The following DMBT1 variants were observed in gnomAD, a reference collection of about 807,000 sequenced individuals.
DMBT1 encodes scavenger receptor cysteine-rich domain-containing protein DMBT1.
In DMBT1, 198 loss-of-function variants were observed where a neutral mutation model predicts 252.9. That is an observed-to-expected ratio of 0.78 (90% CI 0.70 to 0.88). The LOEUF (loss-of-function observed/expected upper bound fraction) is 0.88, where lower values mean the gene tolerates loss of function less well. DMBT1 is among the 40% of genes least tolerant of loss of function. The probability of loss-of-function intolerance (pLI) is 0.00; values close to 1 mark genes in which losing one functional copy is unlikely to be tolerated. For synonymous variants in DMBT1, 990 were observed against 942.7 expected (o/e 1.05, Z -0.92); for missense variants, 2,432 against 2,404.7 (o/e 1.01, Z -0.24).
chr10:122,618,430 G>A, intron 41 of DMBT1, 90 bp downstream of exon 41: 2 of 1,592,462 alleles, frequency 1.3e-6, no homozygotes, highest in Non-Finnish European at 8.5e-7. Flanking sequence ...CTCACTCAAA[G>A]CTTTTTCTAT....
Position 122,635,972 on chromosome 10 carries a change from G to C in DMBT1, c.6549-19G>C. ...TTCTGGGAGGAAATGAAGCCAAATG[G>C]TGTGTCCTCTCTCTGCAGGCTTGAA... On this transcript the variant is annotated intron_variant, in intron 52 of 55. Transcript: ENST00000338354. 6.2e-7 allele frequency: 1 copy of C among 1,613,438 alleles called. No homozygotes were observed. Among genetic ancestry groups the C allele is most frequent in the Non-Finnish European group, 8.5e-7 (1 of 1,179,794 alleles).
chr10:122,566,291 C>T (rs4338468), intron 2 of DMBT1, among the ~76,000 whole-genome samples: 101,185 of 151,196 alleles, frequency 0.67, 34,235 homozygotes, highest in East Asian at 0.77. Context: ...AAATAAAGGT[C>T]AGTACCTTTT....
chr10:122,642,511 G>A (rs1240437624), intron 55 of DMBT1, among the ~76,000 whole-genome samples: 3 of 152,194 alleles, frequency 2.0e-5, no homozygotes, highest in Non-Finnish European at 4.4e-5. Context: ...CTGCTGAGAG[G>A]AGGTGCCCCA....
At chr10:122,574,530 T>C (rs2097694826) in intron 6 of DMBT1, among the ~76,000 whole-genome samples, 1 of 152,166 alleles carries the variant, frequency 6.6e-6, no homozygotes. Flanking sequence ...CTCTGGCCCA[T>C]GGGGTGAGGT....
chr10:122,642,987 T>C, intron 55 of DMBT1, 135 bp from the exon 56 acceptor site: 1 of 1,207,310 alleles, frequency 8.3e-7, no homozygotes, highest in East Asian at 2.4e-5. Context: ...CCACACGTTC[T>C]GACAGAAGGA....
At chr10:122,578,818 A>G in intron 9 of DMBT1, 59 bp downstream of exon 9, 1 of 1,488,972 alleles carries the variant, frequency 6.7e-7, no homozygotes, top group Non-Finnish European at 9.2e-7. Context: ...TACACTTTGG[A>G]TTTCATAGTT....
chr10:122,588,915 T>G lies in DMBT1; in HGVS notation c.1784-29T>G, dbSNP rs777593303. 66 of 1,586,658 alleles carry G rather than the reference T, an allele frequency of 4.2e-5. 6 individuals are homozygous for G. The highest frequency in any genetic ancestry group is 2.4e-4 in the South Asian group (21 of 86,830). ...AGATCCTTGACCTGCTGATAGGGAT[T>G]GATGAAGGGTTCTTGTGTTCTCCTA... On this transcript the variant is annotated intron_variant, in intron 16 of 55. Transcript: ENST00000338354.
chr10:122,580,211 G>T lies in DMBT1; in HGVS notation c.1003+310G>T, dbSNP rs563999532. ...CCCTGCTGAGTAGCACGGTGTGAGGGTATAATGGATGCAGCACAGACAGCA... is the reference window on the plus strand; with the variant it reads ...CCCTGCTGAGTAGCACGGTGTGAGGTTATAATGGATGCAGCACAGACAGCA... On this transcript the variant is annotated intron_variant, in intron 10 of 55. Coordinates refer to ENST00000338354, the MANE Select transcript of DMBT1 (RefSeq NM_001377530.1). Among the ~76,000 whole-genome samples the T allele has an allele frequency of 7.9e-5, 12 of 152,322 alleles. No individual in the cohort carries two copies. In the East Asian group the frequency reaches 2.1e-3, roughly 27 times the overall value.
At chr10:122,576,296 C>A in intron 6 of DMBT1, 103 bp from the exon 7 acceptor site, 1 of 1,480,524 alleles carries the variant, frequency 6.8e-7, no homozygotes, top group South Asian at 1.3e-5. Flanking sequence ...TAGAGATTCT[C>A]TCAAAGATAT....
Position 122,570,198 on chromosome 10 carries a change from C to T in DMBT1, c.128C>T (p.Thr43Ile). ...CCCTCGGAGGTGCCCTTGGATCCAA[C>T]TGTAGCAGAAGGTAAGGTCTATTAT... Reference protein sequence around the residue: ...LIPSEVPLDPTVAEGSPFPSE... With the variant: ...LIPSEVPLDPIVAEGSPFPSE... Residue 43 changes from threonine to isoleucine, a missense_variant, in exon 3 of 56, where the codon ACT becomes ATT. Thr to Ile is a moderately conservative substitution (Grantham distance 89). Around this residue, in one of 3 missense-constraint regions of DMBT1, gnomAD observed 1,264 missense variants for 1,082.2 expected, o/e 1.17. Coordinates refer to ENST00000338354, the MANE Select transcript of DMBT1 (RefSeq NM_001377530.1). 6.3e-7 allele frequency: 1 copy of T among 1,587,516 alleles called. No homozygotes were observed. Among genetic ancestry groups the T allele is most frequent in the Non-Finnish European group, 8.7e-7 (1 of 1,155,954 alleles).
chr10:122,569,170 C>A (rs1012992970), intron 2 of DMBT1, among the ~76,000 whole-genome samples: 3 of 151,886 alleles, frequency 2.0e-5, no homozygotes, highest in African/African-American at 7.3e-5. Flanking sequence ...ATGCAATCAC[C>A]TCATGGAGTG....
rs113864071 is a variant in DMBT1, at chr10:122,580,882, G to A, written c.1020G>A (p.Pro340=). Residue 340 remains proline, a synonymous_variant, in exon 11 of 56, where the codon CCG becomes CCA. Transcript: ENST00000338354. ...GVICSAPQSR[P]TPSPDTWPTS... ...TTCTCACAGCTCCCCAGTCCCGGCC[G>A]ACACCCAGCCCAGGTAGGTCCCCAG... 65 of 1,613,742 alleles carry A rather than the reference G, an allele frequency of 4.0e-5. No individual in the cohort carries two copies. The highest frequency in any genetic ancestry group is 3.8e-4 in the Admixed American group (23 of 59,986).
chr10:122,634,413 C>CTT lies in DMBT1; in HGVS notation c.6548+1073_6548+1074insTT, dbSNP rs1378320898. Among the ~76,000 whole-genome samples, 28 of 71,804 alleles carry CTT rather than the reference C, an allele frequency of 3.9e-4. 1 individual carries two copies. Among genetic ancestry groups the CTT allele is most frequent in the African/African-American group, 1.7e-3 (23 of 13,730 alleles). The allele number at this position is 71,804 out of a possible 152,430, so 47.1% of individuals were successfully genotyped here. ...CTTTCTTTCTTTCTTTTCTTTCTTT[C>CTT]TCTCTCTCTCTCTCTCTTCTCTCTC... On this transcript the variant is annotated intron_variant, in intron 52 of 55. Coordinates refer to ENST00000338354, the MANE Select transcript of DMBT1 (RefSeq NM_001377530.1).
At chr10:122,631,746 G>A (rs914249118) in intron 49 of DMBT1, 109 bp from the exon 50 acceptor site, 15 of 1,253,400 alleles carry the variant, frequency 1.2e-5, no homozygotes, top group South Asian at 8.9e-5. Flanking sequence ...GGGGACCCTC[G>A]CCGAGGGGGG....
chr10:122,588,846 T>G lies in DMBT1; in HGVS notation c.1784-98T>G, dbSNP rs1376475149. The stretch of plus-strand genomic sequence containing the variant: ...CTTTAATCGTGACTGCCTGCCCAGG[T>G]GACTTTGGCCATTAGGAAGTGCCCT... On this transcript the variant is annotated intron_variant, in intron 16 of 55. Transcript: ENST00000338354. 7.1e-6 allele frequency: 11 copies of G among 1,556,696 alleles called. No individual in the cohort carries two copies. In the African/African-American group the frequency reaches 1.3e-4, roughly 19 times the overall value.
intron 15 of DMBT1, 89 bp from the exon 16 acceptor site, chr10:122,585,971 C>G: frequency 6.4e-7 from 1 of 1,566,186 alleles, no homozygotes. Flanking sequence ...GTGACTTTAG[C>G]CATTAGGACG....
At chr10:122,617,283 C>T (rs377290189) in intron 40 of DMBT1, 23 bp downstream of exon 40, 8 of 1,607,142 alleles carry the variant, frequency 5.0e-6, no homozygotes, top group East Asian at 2.3e-5. Flanking sequence ...CTCACCCCTC[C>T]CTAGGGCTCA....
chr10:122,625,799 T>C, intron 45 of DMBT1, 134 bp from the exon 46 acceptor site: 6 of 765,226 alleles, frequency 7.8e-6, no homozygotes, highest in Non-Finnish European at 9.4e-6. Context: ...CCATGAACAG[T>C]GTAAACTGGA....
chr10:122,588,883 G>A lies in DMBT1; in HGVS notation c.1784-61G>A. 3.2e-6 allele frequency: 5 copies of A among 1,581,610 alleles called. 1 individual carries two copies. The South Asian group carries it at 5.8e-5, about 18-fold the overall frequency. ...TTAGGAAGTGCCCTGAGTGTGGAAT[G>A]TGCCTTAGATCCTTGACCTGCTGAT... On this transcript the variant is annotated intron_variant, in intron 16 of 55. Coordinates refer to ENST00000338354, the MANE Select transcript of DMBT1 (RefSeq NM_001377530.1).
Sources: allele counts gnomAD v4.1 joint callset (sites outside exome capture counted in the v4.1 genomes callset), GRCh38; gene constraint gnomAD v4.1.1; regional missense constraint gnomAD v4.1.1; transcripts MANE v1.5; gene names NCBI Gene and HGNC (gene_info 2026-07-23, HGNC 2026-07-21).